IPO8: variants seen among roughly 807,000 people sequenced by gnomAD.
IPO8 encodes the protein importin-8.
A neutral mutation model predicts 141.2 loss-of-function variants in IPO8; 65 were observed. The observed-to-expected ratio is 0.46, with a 90% CI of 0.38 to 0.57. The LOEUF (loss-of-function observed/expected upper bound fraction) is 0.57, where lower values mean the gene tolerates loss of function less well. IPO8 is among the 20% of genes least tolerant of loss of function. The probability of loss-of-function intolerance (pLI) is 0.00; values close to 1 mark genes in which losing one functional copy is unlikely to be tolerated. For synonymous variants in IPO8, 411 were observed against 420.3 expected, an observed-to-expected ratio of 0.98 and a Z score of 0.27; for missense variants, 980 against 1,246.8, an observed-to-expected ratio of 0.79 and a Z score of 3.22.
In IPO8 at chr12:30,630,630, A is replaced by G. The variant is rs1236099737; in HGVS notation, c.*230T>C. ...CATATGGGTTGTCCTTTTCCGTCCAATGATTGTTTTTCTTTCATTTCATAC... is the reference window on the plus strand; with the variant it reads ...CATATGGGTTGTCCTTTTCCGTCCAGTGATTGTTTTTCTTTCATTTCATAC... On this transcript the variant is annotated 3_prime_UTR_variant, in exon 25 of 25. Coordinates refer to ENST00000256079, the MANE Select transcript of IPO8 (RefSeq NM_006390.4). 4.0e-6 allele frequency: 2 copies of G among 506,066 alleles called. No homozygotes were observed. Among genetic ancestry groups the G allele is most frequent in the Non-Finnish European group, 6.9e-6 (2 of 288,596 alleles). 31.3% of individuals were successfully genotyped at this position (506,066 alleles called of 1,614,324 possible).
Position 30,670,970 on chromosome 12 carries a change from G to A in IPO8, c.1036C>T (p.His346Tyr). Residue 346 changes from histidine to tyrosine, a missense_variant, in exon 9 of 25, where the codon CAC becomes TAC. Physicochemically the swap from His to Tyr is moderately conservative, Grantham distance 83. Coordinates refer to ENST00000256079, the MANE Select transcript of IPO8 (RefSeq NM_006390.4). The part of the protein sequence containing the change: ...HSITWKQMKP[H>Y]IQNISEDVIF... The stretch of plus-strand genomic sequence containing the variant: ...TGCTCTCTGACACTAACCTGTATGT[G>A]TGGCTTCATCTGCTTCCAGGTTATA... The A allele has an allele frequency of 6.2e-7, 1 of 1,612,980 alleles. No homozygotes were observed. Among genetic ancestry groups the A allele is most frequent in the Admixed American group, 1.7e-5 (1 of 59,958 alleles).
chr12:30,657,557 T>C (rs1041246846), intron 16 of IPO8, among the ~76,000 whole-genome samples: 2 of 152,124 alleles, frequency 1.3e-5, no homozygotes, highest in Non-Finnish European at 2.9e-5. Context: ...CCTTCACACA[T>C]ATTATGTGTG....
intron 5 of IPO8, among the ~76,000 whole-genome samples, chr12:30,679,467 C>T (rs1053789496): frequency 4.6e-5 from 7 of 151,988 alleles, no homozygotes; most frequent in Admixed American, 2.0e-4. Context: ...GGAAGTCTGG[C>T]CTCTGAATAT....
intron 15 of IPO8, 143 bp downstream of exon 15, chr12:30,662,184 C>A: frequency 1.6e-6 from 1 of 626,318 alleles, no homozygotes; most frequent in East Asian, 2.7e-5. Context: ...AGGAGTGCAC[C>A]ATCGTATATG....
intron 1 of IPO8, among the ~76,000 whole-genome samples, chr12:30,692,053 C>G (rs2053295585): frequency 6.6e-6 from 1 of 152,166 alleles, no homozygotes; most frequent in Non-Finnish European, 1.5e-5. Context: ...AACACAGATT[C>G]ACCCAGCCTT....
chr12:30,692,755 A>G (rs1490290215), intron 1 of IPO8, among the ~76,000 whole-genome samples: 1 of 151,988 alleles, frequency 6.6e-6, no homozygotes, highest in Non-Finnish European at 1.5e-5. Flanking sequence ...CGCCAAGTTG[A>G]GGGCCTTTTC....
intron 20 of IPO8, among the ~76,000 whole-genome samples, chr12:30,648,548 G>A (rs1362641592): frequency 2.0e-5 from 3 of 152,076 alleles, no homozygotes; most frequent in African/African-American, 4.8e-5. Context: ...TGTATGGAAC[G>A]TGAATTAGAT....
intron 20 of IPO8, among the ~76,000 whole-genome samples, chr12:30,640,481 C>T (rs948092750): frequency 2.0e-5 from 3 of 152,000 alleles, no homozygotes; most frequent in Non-Finnish European, 2.9e-5. Flanking sequence ...GACTATTAGT[C>T]TGGTTTAGGA....
chr12:30,659,922 T>C (rs1371669135), intron 16 of IPO8, among the ~76,000 whole-genome samples: 3 of 149,928 alleles, frequency 2.0e-5, no homozygotes, highest in African/African-American at 7.4e-5. Context: ...TTAACAATGC[T>C]ATTTAAAGTA....
At chr12:30,673,841 A>G (rs2053083146) in intron 8 of IPO8, 149 bp downstream of exon 8, 2 of 483,310 alleles carry the variant, frequency 4.1e-6, no homozygotes. Context: ...TTTAAAACTA[A>G]TTGCACTGTA....
At position 30,695,822 on chromosome 12, in the gene IPO8, G is replaced by C. The variant is rs1332658631; in HGVS notation, c.-175C>G. 1 of 542,376 alleles carries C rather than the reference G, an allele frequency of 1.8e-6. No homozygotes were observed. The highest frequency in any genetic ancestry group is 2.1e-5 in the African/African-American group (1 of 47,278). The allele number at this position is 542,376 out of a possible 1,614,324, so 33.6% of individuals were successfully genotyped here. ...GCGCCACTCTGACTCCGCGCCCCCT[G>C]TCCTCCCTTTTTCCCCCCCACAACT... On this transcript the variant is annotated 5_prime_UTR_variant, in exon 1 of 25. Transcript: ENST00000256079. The surrounding 1 kb of genome is among the most constrained non-coding windows in gnomAD (Gnocchi z 4.2).
At chr12:30,657,555 C>T (rs1315552740) in intron 16 of IPO8, among the ~76,000 whole-genome samples, 2 of 152,102 alleles carry the variant, frequency 1.3e-5, no homozygotes, top group East Asian at 1.9e-4. Context: ...ACCCTTCACA[C>T]ATATTATGTG....
In IPO8 at chr12:30,656,704, A is replaced by G; in HGVS notation, c.1928T>C (p.Val643Ala). Residue 643 changes from valine to alanine, a missense_variant, in exon 17 of 25, where the codon GTT becomes GCT. Physicochemically the swap from Val to Ala is moderately conservative, Grantham distance 64. This residue lies in a region of IPO8 where 924 missense variants were observed against 1,153.9 expected (regional missense o/e 0.80). Transcript: ENST00000256079. Reference protein sequence around the residue: ...ENICLRIIDLVLQKHVIEFYE... With the variant: ...ENICLRIIDLALQKHVIEFYE... Reference sequence around the variant, plus strand: ...CTTACCAATTACATGTTTCTGCAGAACAAGATCAATGATCCGTAGACAGAT... The same window carrying G: ...CTTACCAATTACATGTTTCTGCAGAGCAAGATCAATGATCCGTAGACAGAT... 6.4e-7 allele frequency: 1 copy of G among 1,563,842 alleles called. No homozygotes were observed. Among genetic ancestry groups the G allele is most frequent in the Non-Finnish European group, 8.7e-7 (1 of 1,149,170 alleles).
At chr12:30,656,638 T>C in intron 17 of IPO8, 46 bp downstream of exon 17, 1 of 1,196,654 alleles carries the variant, frequency 8.4e-7, no homozygotes, top group Non-Finnish European at 1.2e-6. Flanking sequence ...AGTTCAAATT[T>C]TTAAAATTTT....
chr12:30,663,591 C>T lies in IPO8; in HGVS notation c.1492G>A (p.Ala498Thr). 2 of 1,613,400 alleles carry T rather than the reference C, an allele frequency of 1.2e-6. No homozygotes were observed. The highest frequency in any genetic ancestry group is 1.7e-6 in the Non-Finnish European group (2 of 1,179,810). Residue 498 changes from alanine to threonine, a missense_variant, in exon 14 of 25, where the codon GCC becomes ACC. Physicochemically the swap from Ala to Thr is moderately conservative, Grantham distance 58 (BLOSUM62 0). Coordinates refer to ENST00000256079, the MANE Select transcript of IPO8 (RefSeq NM_006390.4). Reference sequence around the variant, plus strand: ...AGGCTCTTCTTCGCTAATTCAACGGCATTTCTTAGATTGAGCTCATTATGG... The same window carrying T: ...AGGCTCTTCTTCGCTAATTCAACGGTATTTCTTAGATTGAGCTCATTATGG... ...KFHNELNLRN[A>T]VELAKKSLIE... is the part of the protein sequence containing the mutation.
rs1434803066 is a variant in IPO8, at chr12:30,631,890, C to T, written c.3016+5G>A. 6.2e-7 allele frequency: 1 copy of T among 1,602,530 alleles called. No homozygotes were observed. Among genetic ancestry groups the T allele is most frequent in the African/African-American group, 1.3e-5 (1 of 74,824 alleles). On this transcript the variant is annotated splice_donor_5th_base_variant and intron_variant, in intron 24 of 24. Coordinates refer to ENST00000256079, the MANE Select transcript of IPO8 (RefSeq NM_006390.4). ...CACTCCACTCTGGAGGTTACTCTGGCTGACCTGCCACCGTCCGTCGGTGCT... is the reference window on the plus strand; with the variant it reads ...CACTCCACTCTGGAGGTTACTCTGGTTGACCTGCCACCGTCCGTCGGTGCT...
chr12:30,682,539 A>C (rs1200912979), intron 3 of IPO8, among the ~76,000 whole-genome samples: 1 of 152,204 alleles, frequency 6.6e-6, no homozygotes, highest in Non-Finnish European at 1.5e-5. Flanking sequence ...AAGTTATCTG[A>C]TAACATAGAT....
intron 2 of IPO8, 28 bp downstream of exon 2, chr12:30,690,468 A>G (rs767572039): frequency 1.5e-6 from 2 of 1,307,250 alleles, no homozygotes; most frequent in African/African-American, 3.0e-5. Flanking sequence ...CTATAAATAA[A>G]TTTATAAAGG....
rs201416156 is a variant in IPO8 at position 30,654,350 on chromosome 12, CACA to C, written c.1949-1261_1949-1259del. Reference sequence around the variant, plus strand: ...TATGAGGATATGACCCCAAAGCACACACAACAAAAGCAAAAACAGACAAAATAG... The same window carrying C: ...TATGAGGATATGACCCCAAAGCACACACAAAAGCAAAAACAGACAAAATAG... On this transcript the variant is annotated intron_variant, in intron 17 of 24. Coordinates refer to ENST00000256079, the MANE Select transcript of IPO8 (RefSeq NM_006390.4). Among the ~76,000 whole-genome samples the C allele has an allele frequency of 5.1e-3, 772 of 150,630 alleles. 13 individuals carry two copies. Among genetic ancestry groups the C allele is most frequent in the African/African-American group, 0.017 (686 of 41,036 alleles).
Sources: allele counts gnomAD v4.1 joint callset (sites outside exome capture counted in the v4.1 genomes callset), GRCh38; gene constraint gnomAD v4.1.1; regional missense constraint gnomAD v4.1.1; non-coding constraint Gnocchi (gnomAD v3.1); transcripts MANE v1.5; gene names NCBI Gene and HGNC (gene_info 2026-07-23, HGNC 2026-07-21).